WWOX: variants seen among roughly 807,000 people sequenced by gnomAD.
The protein encoded by WWOX is WW domain-containing oxidoreductase.
A neutral mutation model predicts 46.2 loss-of-function variants in WWOX; 69 were observed. The ratio of observed to expected loss-of-function variants is 1.49; its 90% confidence interval spans 1.23 to 1.82. The LOEUF is 1.82. Among genes scored for constraint, WWOX ranks in the 40% most tolerant of loss-of-function variants. The pLI is 0.00. For missense variants in WWOX, 919 were observed against 542.6 expected, an observed-to-expected ratio of 1.69 and a Z score of -6.89; for synonymous variants, 359 against 202.6, an observed-to-expected ratio of 1.77 and a Z score of -6.56.
intron 8 of WWOX, among the ~76,000 whole-genome samples, chr16:79,034,292 C>T (rs1024881861): frequency 6.6e-6 from 1 of 152,130 alleles, no homozygotes; most frequent in South Asian, 2.1e-4. Flanking sequence ...TGAAAAGCAC[C>T]ATTATTAGTA....
At chr16:79,105,102 C>G (rs1343963948) in intron 8 of WWOX, among the ~76,000 whole-genome samples, 1 of 152,134 alleles carries the variant, frequency 6.6e-6, no homozygotes, top group East Asian at 1.9e-4. Flanking sequence ...GACGCAGCCC[C>G]TCACCTGCTG....
At chr16:78,146,206 TA>T (rs1470830391) in intron 4 of WWOX, among the ~76,000 whole-genome samples, 1 of 152,102 alleles carries the variant, frequency 6.6e-6, no homozygotes, top group Non-Finnish European at 1.5e-5. Flanking sequence ...CCCAAGTGCT[TA>T]GGCTCCCGCT....
At chr16:78,822,401 G>A (rs939176983) in intron 8 of WWOX, among the ~76,000 whole-genome samples, 1 of 152,172 alleles carries the variant, frequency 6.6e-6, no homozygotes, top group South Asian at 2.1e-4. Context: ...GGCTGAGGCA[G>A]GAGAATGGCT....
chr16:78,218,608 G>A (rs761518098), intron 5 of WWOX, among the ~76,000 whole-genome samples: 4 of 152,152 alleles, frequency 2.6e-5, no homozygotes, highest in Non-Finnish European at 5.9e-5. Context: ...CGATAAAGCA[G>A]CTACATTAAT....
chr16:78,099,693 G>T lies in WWOX; in HGVS notation c.-86G>T. On this transcript the variant is annotated 5_prime_UTR_variant, in exon 1 of 9. Transcript: ENST00000566780. ...TGAGCGGTCGGGCCCCGACGCGCGC[G>T]GGTCTCGTTTGGAGCGGGAGTGAGT... 1 of 1,442,066 alleles carries T rather than the reference G, an allele frequency of 6.9e-7. No homozygotes were observed. The highest frequency in any genetic ancestry group is 9.1e-7 in the Non-Finnish European group (1 of 1,096,732). The allele number at this position is 1,442,066 out of a possible 1,614,324, so 89.3% of individuals were successfully genotyped here. A position where few individuals can be genotyped will look rare whatever the true frequency, so the allele number is the denominator to read the frequency against.
At chr16:78,196,726 C>A (rs995247069) in intron 5 of WWOX, among the ~76,000 whole-genome samples, 4 of 152,130 alleles carry the variant, frequency 2.6e-5, no homozygotes, top group Non-Finnish European at 5.9e-5. Context: ...AGGCAGAGTG[C>A]TGTAATTATA....
At chr16:79,053,761 T>C (rs1402966517) in intron 8 of WWOX, among the ~76,000 whole-genome samples, 1 of 152,180 alleles carries the variant, frequency 6.6e-6, no homozygotes. Context: ...CTTAAGTTTA[T>C]AGTTATGCAA....
intron 5 of WWOX, chr16:78,166,614 A>G (rs1453219308): frequency 6.6e-6 from 1 of 150,432 alleles, no homozygotes; most frequent in African/African-American, 2.5e-5. Flanking sequence ...GCTGGAGTGC[A>G]GTGGCACAAT....
At chr16:79,007,767 G>A (rs988006173) in intron 8 of WWOX, among the ~76,000 whole-genome samples, 5 of 152,096 alleles carry the variant, frequency 3.3e-5, no homozygotes, top group East Asian at 1.9e-4. Context: ...GCTCTTTCTC[G>A]GATACCAAAG....
chr16:78,146,532 C>T (rs2034204932), intron 4 of WWOX, among the ~76,000 whole-genome samples: 1 of 152,116 alleles, frequency 6.6e-6, no homozygotes, highest in African/African-American at 2.4e-5. Context: ...TGCCTGATCA[C>T]AGCTGATGGT....
intron 8 of WWOX, among the ~76,000 whole-genome samples, chr16:78,846,329 T>A (rs1371923872): frequency 6.6e-6 from 1 of 152,194 alleles, no homozygotes; most frequent in African/African-American, 2.4e-5. Context: ...TTATTTGGAT[T>A]TGACGGTGTG....
At chr16:78,769,701 C>G (rs546077665) in intron 8 of WWOX, among the ~76,000 whole-genome samples, 24 of 151,346 alleles carry the variant, frequency 1.6e-4, no homozygotes, top group Admixed American at 1.3e-3. Context: ...GTTTTGGCTA[C>G]TAAAGGGTAA....
At chr16:78,742,544 C>A (rs2049254616) in intron 8 of WWOX, among the ~76,000 whole-genome samples, 1 of 152,228 alleles carries the variant, frequency 6.6e-6, no homozygotes, top group South Asian at 2.1e-4. Context: ...TTTCCTCTGA[C>A]TCAAATGACA....
At chr16:78,282,963 C>T (rs929326211) in intron 5 of WWOX, among the ~76,000 whole-genome samples, 6 of 151,264 alleles carry the variant, frequency 4.0e-5, no homozygotes, top group East Asian at 1.9e-4. Context: ...CTTGATCCCA[C>T]GGGAAGCTCT....
intron 5 of WWOX, among the ~76,000 whole-genome samples, chr16:78,181,713 G>A (rs1173884806): frequency 6.6e-6 from 1 of 152,028 alleles, no homozygotes; most frequent in Admixed American, 6.5e-5. Context: ...TTTTTCTGAG[G>A]AACACAGGAA....
intron 5 of WWOX, among the ~76,000 whole-genome samples, chr16:78,168,944 A>G (rs185223284): frequency 1.2e-3 from 180 of 152,314 alleles, no homozygotes; most frequent in African/African-American, 4.2e-3. Flanking sequence ...AAAAATGAAA[A>G]CAATTAAAAC....
chr16:78,318,594 C>T (rs1269192132), intron 5 of WWOX, among the ~76,000 whole-genome samples: 3 of 152,116 alleles, frequency 2.0e-5, no homozygotes, highest in African/African-American at 4.8e-5. Context: ...TAATAAAATC[C>T]TTCCATTTTC....
intron 8 of WWOX, among the ~76,000 whole-genome samples, chr16:78,978,059 A>G (rs889990469): frequency 2.1e-4 from 32 of 152,288 alleles, no homozygotes; most frequent in African/African-American, 6.3e-4. Flanking sequence ...CTTCCCTACC[A>G]TTCTACCTTC....
chr16:78,102,839 G>T (rs962072201), intron 1 of WWOX, among the ~76,000 whole-genome samples: 1 of 152,138 alleles, frequency 6.6e-6, no homozygotes, highest in African/African-American at 2.4e-5. Context: ...CCTGTGGGAT[G>T]AGTAAATGAA....
Sources: gnomAD v4.1 joint callset for allele counts (sites outside exome capture counted in the v4.1 genomes callset) on GRCh38, gnomAD v4.1.1 for gene constraint, MANE v1.5 for transcripts, NCBI Gene and HGNC (gene_info 2026-07-23, HGNC 2026-07-21) for gene names.